Variants in DOCK6 observed in about 807,000 individuals in gnomAD.
DOCK6 encodes the protein dedicator of cytokinesis protein 6.
In DOCK6, 167 loss-of-function variants were observed where a neutral mutation model predicts 230.3. The observed-to-expected ratio is 0.73, with a 90% confidence interval of 0.64 to 0.82. The LOEUF is 0.82. Ranked by LOEUF, DOCK6 falls within the 40% of genes least tolerant of loss-of-function variation. The pLI is 0.00. For missense variants in DOCK6, 2,598 were observed against 2,825.8 expected, an observed-to-expected ratio of 0.92 and a Z score of 1.83; for synonymous variants, 1,148 against 1,185.0, an observed-to-expected ratio of 0.97 and a Z score of 0.64.
chr19:11,251,178 G>A, intron 5 of DOCK6, 92 bp from the exon 6 acceptor site: 3 of 1,330,586 alleles, frequency 2.3e-6, no homozygotes, highest in Non-Finnish European at 3.1e-6. Flanking sequence ...TTCTAGAGAT[G>A]GGGAAATTGA....
At chr19:11,256,664 C>T (rs564714267) in intron 1 of DOCK6, among the ~76,000 whole-genome samples, 9 of 152,194 alleles carry the variant, frequency 5.9e-5, no homozygotes, top group African/African-American at 1.7e-4. Flanking sequence ...TTTTTGTTTT[C>T]GTTTTTTAAA....
intron 37 of DOCK6, among the ~76,000 whole-genome samples, chr19:11,210,557 C>CCCCCTCACCTGTGCAT (rs1265544229): frequency 7.2e-6 from 1 of 139,298 alleles, no homozygotes; most frequent in African/African-American, 2.7e-5. Context: ...TACCTGTCCA[C>CCCCCTCACCTGTGCAT]CCCCTCACCT....
intron 22 of DOCK6, among the ~76,000 whole-genome samples, chr19:11,232,982 G>A (rs1206525922): frequency 1.3e-5 from 2 of 152,020 alleles, no homozygotes; most frequent in Admixed American, 1.3e-4. Flanking sequence ...GCCAAGCTCC[G>A]CCACCCATCC....
Position 11,235,672 on chromosome 19 carries a change from C to T in DOCK6, c.2480G>A (p.Gly827Asp). 1.2e-6 allele frequency: 2 copies of T among 1,602,178 alleles called. No homozygotes were observed. The highest frequency in any genetic ancestry group is 1.7e-6 in the Non-Finnish European group (2 of 1,174,562). ...RSLEAAQDAR[G>D]HCPQLAAYVH... Reference sequence around the variant, plus strand: ...GTAGGCAGCCAGCTGTGGGCAGTGACCGCGGGCATCCTGGGCTGCCTCCAG... The same window carrying T: ...GTAGGCAGCCAGCTGTGGGCAGTGATCGCGGGCATCCTGGGCTGCCTCCAG... The change falls in exon 21 of 48, where the codon GGT (glycine) becomes GAT (aspartate). Residue 827 changes from glycine to aspartate, a missense_variant. Coordinates refer to ENST00000294618, the MANE Select transcript of DOCK6 (RefSeq NM_020812.4).
Position 11,222,947 on chromosome 19 carries a change from C to T in DOCK6, c.3070-42G>A, listed in dbSNP as rs377093047. ...GCCATCAGTGATGTCAACATTGCTC[C>T]GCCTTCCATCCATGCCATGCCCACC... On this transcript the variant is annotated intron_variant, in intron 25 of 47. Coordinates refer to ENST00000294618, the MANE Select transcript of DOCK6 (RefSeq NM_020812.4). The surrounding 1 kb of genome is among the most constrained non-coding windows in gnomAD (Gnocchi z 4.0). 9.2e-5 allele frequency: 149 copies of T among 1,613,118 alleles called. No homozygotes were observed. The African/African-American group carries it at 1.2e-3, about 13-fold the overall frequency.
chr19:11,237,304 G>T, intron 18 of DOCK6, 152 bp downstream of exon 18: 2 of 740,624 alleles, frequency 2.7e-6, no homozygotes, highest in South Asian at 1.7e-5. Flanking sequence ...GACACAGAGA[G>T]GCATTAATAG....
chr19:11,202,413 G>T lies in DOCK6; in HGVS notation c.5432C>A (p.Ser1811Tyr). The part of the protein sequence containing the change: ...IIKDSNPVDK[S>Y]KLDSQKAYIQ... ...ACCCACCTTTTGTGAGTCAAGCTTG[G>T]ACTTGTCCACAGGGTTAGAGTCTTT... Residue 1811 changes from serine to tyrosine, a missense_variant, in exon 43 of 48, where the codon TCC (serine) becomes TAC (tyrosine). By Grantham distance (144) the Ser-to-Tyr change is moderately radical (BLOSUM62 -2). Transcript: ENST00000294618. This position sits in a 1 kb window ranked among gnomAD's most constrained non-coding sequence, Gnocchi z 5.3. 1 of 1,613,858 alleles carries T rather than the reference G, an allele frequency of 6.2e-7. No homozygotes were observed. Among genetic ancestry groups the T allele is most frequent in the South Asian group, 1.1e-5 (1 of 91,078 alleles).
At chr19:11,256,133 G>T (rs187046258) in intron 1 of DOCK6, among the ~76,000 whole-genome samples, 198 of 152,248 alleles carry the variant, frequency 1.3e-3, no homozygotes, top group African/African-American at 3.4e-3. Flanking sequence ...CTACTGACTG[G>T]GGGGGTTGAG....
At position 11,233,316 on chromosome 19, in the gene DOCK6, G is replaced by A. The variant is rs553688437; in HGVS notation, c.2605C>T (p.Arg869Cys). The A allele has an allele frequency of 8.7e-6, 14 of 1,613,752 alleles. No homozygotes were observed. Among genetic ancestry groups the A allele is most frequent in the Admixed American group, 5.0e-5 (3 of 60,004 alleles). The stretch of plus-strand genomic sequence containing the variant: ...CGCGCCAGGTAGAGGCTTGCGGGGC[G>A]ACCAGAGCCACGGGCCAGTGTGGCA... Reference protein sequence around the residue: ...QAATLARGSGRPASLYLARSK... With the variant: ...QAATLARGSGCPASLYLARSK... The change falls in exon 22 of 48, where the codon CGC (arginine) becomes TGC (cysteine). Residue 869 changes from arginine to cysteine, a missense_variant. Transcript: ENST00000294618.
At chr19:11,259,434 G>C (rs1453501517) in intron 1 of DOCK6, among the ~76,000 whole-genome samples, 2 of 147,326 alleles carry the variant, frequency 1.4e-5, no homozygotes, top group Non-Finnish European at 3.0e-5. Flanking sequence ...TCAAGGATGG[G>C]GGAGAGAGAG....
At chr19:11,254,754 G>A (rs2080173135) in intron 1 of DOCK6, among the ~76,000 whole-genome samples, 1 of 152,128 alleles carries the variant, frequency 6.6e-6, no homozygotes, top group African/African-American at 2.4e-5. Flanking sequence ...CTGCAGGAAT[G>A]TGGAGCAGAG....
Position 11,237,274 on chromosome 19 carries a change from T to C in DOCK6, c.2073+182A>G, listed in dbSNP as rs185537820. 1.3e-3 allele frequency: 875 copies of C among 664,126 alleles called. 3 individuals are homozygous for C. Among genetic ancestry groups the C allele is most frequent in the Non-Finnish European group, 1.7e-3 (651 of 383,664 alleles). The allele number at this position is 664,126 out of a possible 1,614,324, so 41.1% of individuals were successfully genotyped here. ...GAATGGAGCAGAGAGGCAATGGGAATCTTTGGGGAGGACATGTAGGACACA... is the reference window on the plus strand; with the variant it reads ...GAATGGAGCAGAGAGGCAATGGGAACCTTTGGGGAGGACATGTAGGACACA... On this transcript the variant is annotated intron_variant, in intron 18 of 47. Coordinates refer to ENST00000294618, the MANE Select transcript of DOCK6 (RefSeq NM_020812.4).
intron 30 of DOCK6, among the ~76,000 whole-genome samples, chr19:11,216,408 T>C (rs1568228273): frequency 6.8e-6 from 1 of 146,492 alleles, no homozygotes; most frequent in Non-Finnish European, 1.5e-5. Flanking sequence ...AAAATTTCTT[T>C]TCTTCTTTTT....
intron 21 of DOCK6, among the ~76,000 whole-genome samples, chr19:11,233,584 A>C (rs2079802714): frequency 6.6e-6 from 1 of 152,168 alleles, no homozygotes; most frequent in Non-Finnish European, 1.5e-5. Context: ...CTATAATCCC[A>C]GCACTTTGGG....
chr19:11,241,716 C>G, intron 14 of DOCK6: 1 of 1,575,226 alleles, frequency 6.3e-7, no homozygotes, highest in Non-Finnish European at 8.6e-7. Context: ...GAGGACCAAT[C>G]ATGCTGCAAG....
chr19:11,240,317 T>G (rs1255086391), intron 14 of DOCK6: 3 of 1,530,124 alleles, frequency 2.0e-6, no homozygotes, highest in Non-Finnish European at 2.6e-6. Context: ...CCCCCAACCC[T>G]AGTGGGCTGA....
At position 11,262,374 on chromosome 19, in the gene DOCK6, A is replaced by G. The variant is rs1568273618; in HGVS notation, c.44+23T>C. ...AGCCGGGCCACGTGGGGGAGGTGGG[A>G]GGGGGCCCCGCGGCCACACTACCTG... On this transcript the variant is annotated intron_variant, in intron 1 of 47. Transcript: ENST00000294618. 9 of 1,028,502 alleles carry G rather than the reference A, an allele frequency of 8.8e-6. No homozygotes were observed. In the Admixed American group the frequency reaches 3.4e-4, roughly 39 times the overall value. 63.7% of individuals were successfully genotyped at this position (1,028,502 alleles called of 1,614,324 possible).
chr19:11,261,980 G>T (rs748226689), intron 1 of DOCK6, among the ~76,000 whole-genome samples: 7 of 152,166 alleles, frequency 4.6e-5, no homozygotes, highest in Non-Finnish European at 8.8e-5. Context: ...CCCAAACCAG[G>T]CACTGAGGAA....
In DOCK6 at chr19:11,243,530, CCAAGCCTGTTAGCCCCGCCT is replaced by C; in HGVS notation, c.1258+7_1258+26del. The C allele has an allele frequency of 6.3e-7, 1 of 1,575,976 alleles. No individual in the cohort carries two copies. Among genetic ancestry groups the C allele is most frequent in the South Asian group, 1.2e-5 (1 of 86,344 alleles). On this transcript the variant is annotated splice_region_variant and intron_variant, in intron 11 of 47. Coordinates refer to ENST00000294618, the MANE Select transcript of DOCK6 (RefSeq NM_020812.4). The surrounding 1 kb of genome is among the most constrained non-coding windows in gnomAD (Gnocchi z 6.3). ...GTCAGCACCACCCTTTAGCCCCGCC[CCAAGCCTGTTAGCCCCGCCT>C]CCTCACCGCCCTCCGAGTCAGAGTC...
Sources: gnomAD v4.1 joint callset for allele counts (sites outside exome capture counted in the v4.1 genomes callset) on GRCh38, gnomAD v4.1.1 for gene constraint, Gnocchi (gnomAD v3.1) non-coding constraint, MANE v1.5 for transcripts, NCBI Gene and HGNC (gene_info 2026-07-23, HGNC 2026-07-21) for gene names.